The following DNM3 variants were observed in gnomAD, a reference collection of about 807,000 sequenced individuals.
DNM3 encodes dynamin 3.
Under a neutral mutation model 101.6 loss-of-function variants are expected in DNM3, and 47 were observed. The observed-to-expected ratio is 0.46, with a 90% CI of 0.37 to 0.59. DNM3 has a LOEUF of 0.59. Ranked by LOEUF, DNM3 falls within the 20% of genes least tolerant of loss-of-function variation. The probability of loss-of-function intolerance (pLI) is 0.00; values close to 1 mark genes in which losing one functional copy is unlikely to be tolerated. For synonymous variants in DNM3, 385 were observed against 387.9 expected (o/e 0.99, Z 0.09); for missense variants, 849 against 1,085.7 (o/e 0.78, Z 3.06).
intron 14 of DNM3, among the ~76,000 whole-genome samples, chr1:172,172,692 TA>T (rs1352842366): frequency 6.6e-6 from 1 of 151,728 alleles, no homozygotes; most frequent in African/African-American, 2.4e-5. Context: ...CAGTTCTATG[TA>T]AATCAGAGAT....
In DNM3 at chr1:171,915,676, T is replaced by C. The variant is rs2039656122; in HGVS notation, c.162-6072T>C. 2.0e-5 allele frequency among the ~76,000 whole-genome samples: 3 copies of C among 151,946 alleles called. No individual in the cohort carries two copies. In the South Asian group the frequency reaches 6.2e-4, roughly 32 times the overall value. ...ACACCTAGTGGAGATGTTTAAGAGG[T>C]TAATATGATTGTAATGAGTTGTAGG... On this transcript the variant is annotated intron_variant, in intron 1 of 20. Coordinates refer to ENST00000627582, the MANE Select transcript of DNM3 (RefSeq NM_015569.5).
At chr1:172,407,484 GTGC>G (rs1303845418) in intron 20 of DNM3, among the ~76,000 whole-genome samples, 4 of 151,968 alleles carry the variant, frequency 2.6e-5, no homozygotes, top group African/African-American at 9.7e-5. Context: ...GCTAAGATAT[GTGC>G]AGTACGTTTC....
intron 12 of DNM3, among the ~76,000 whole-genome samples, chr1:172,092,018 C>T (rs2053943559): frequency 6.6e-6 from 1 of 151,884 alleles, no homozygotes; most frequent in Non-Finnish European, 1.5e-5. Context: ...AGATTTTGGC[C>T]AAGGAACTTG....
chr1:172,165,032 G>T (rs967631343), intron 14 of DNM3, among the ~76,000 whole-genome samples: 16 of 152,036 alleles, frequency 1.1e-4, no homozygotes, highest in African/African-American at 3.9e-4. Flanking sequence ...TTAACCAAGA[G>T]TACAATGTAG....
At chr1:172,044,955 T>G (rs1315416372) in intron 9 of DNM3, among the ~76,000 whole-genome samples, 1 of 151,862 alleles carries the variant, frequency 6.6e-6, no homozygotes, top group Non-Finnish European at 1.5e-5. Context: ...GCATATGAAG[T>G]GGGCAGCAGT....
chr1:172,202,736 C>T (rs1394713866), intron 14 of DNM3, among the ~76,000 whole-genome samples: 1 of 152,024 alleles, frequency 6.6e-6, no homozygotes, highest in African/African-American at 2.4e-5. Context: ...GAACATAAGA[C>T]TATTATTTAT....
intron 15 of DNM3, among the ~76,000 whole-genome samples, chr1:172,284,884 G>A (rs921188885): frequency 1.6e-4 from 25 of 152,178 alleles, no homozygotes; most frequent in Non-Finnish European, 2.9e-4. Flanking sequence ...CTCAATGGAT[G>A]TATAAGTAAG....
chr1:171,850,956 T>C (rs1266164062), intron 1 of DNM3, among the ~76,000 whole-genome samples: 1 of 152,110 alleles, frequency 6.6e-6, no homozygotes, highest in Non-Finnish European at 1.5e-5. Context: ...TTAGGAGTAT[T>C]TGTGAATGAG....
chr1:172,092,417 G>A (rs1022778172), intron 12 of DNM3, among the ~76,000 whole-genome samples: 7 of 152,120 alleles, frequency 4.6e-5, no homozygotes, highest in African/African-American at 1.4e-4. Context: ...AAGAATAATC[G>A]TAACTGCTTC....
intron 1 of DNM3, among the ~76,000 whole-genome samples, chr1:171,842,737 C>G (rs2031463419): frequency 6.6e-6 from 1 of 152,174 alleles, no homozygotes; most frequent in Non-Finnish European, 1.5e-5. Flanking sequence ...TGTGGTTTTC[C>G]TCATGACTCT....
chr1:172,133,485 C>A, intron 14 of DNM3: 1 of 932,382 alleles, frequency 1.1e-6, no homozygotes, highest in Non-Finnish European at 1.3e-6. Context: ...GGAAATGACC[C>A]TTGAAATAAA....
intron 14 of DNM3, among the ~76,000 whole-genome samples, chr1:172,236,596 A>G (rs1557862372): frequency 6.6e-6 from 1 of 151,900 alleles, no homozygotes; most frequent in East Asian, 1.9e-4. Flanking sequence ...AAAGGAGGAG[A>G]AGGAGGAGGA....
chr1:171,965,344 A>T (rs1003062181), intron 2 of DNM3, among the ~76,000 whole-genome samples: 2 of 151,312 alleles, frequency 1.3e-5, no homozygotes, highest in Non-Finnish European at 2.9e-5. Context: ...AGAGTTTGAG[A>T]CCAGCCCATG....
chr1:172,391,804 A>T (rs1043594046), intron 20 of DNM3, among the ~76,000 whole-genome samples: 1 of 152,168 alleles, frequency 6.6e-6, no homozygotes, highest in African/African-American at 2.4e-5. Context: ...ACAGCACAAA[A>T]GGTGTCCCGC....
intron 17 of DNM3, among the ~76,000 whole-genome samples, chr1:172,342,571 C>T (rs529351598): frequency 1.8e-4 from 27 of 151,914 alleles, no homozygotes; most frequent in Admixed American, 1.1e-3. Flanking sequence ...AACAAGTGAC[C>T]CAAGGAGAGA....
At chr1:172,006,072 A>G (rs2125688828) in intron 4 of DNM3, among the ~76,000 whole-genome samples, 1 of 152,148 alleles carries the variant, frequency 6.6e-6, no homozygotes, top group East Asian at 1.9e-4. Flanking sequence ...TTGTGTGTGG[A>G]GCTTGATTAG....
intron 14 of DNM3, among the ~76,000 whole-genome samples, chr1:172,188,365 C>A (rs2059592776): frequency 6.6e-6 from 1 of 152,020 alleles, no homozygotes; most frequent in African/African-American, 2.4e-5. Context: ...AGGTTTGCAC[C>A]ACCTTGCCTG....
At chr1:172,334,448 T>A (rs1349793127) in intron 17 of DNM3, among the ~76,000 whole-genome samples, 1 of 152,160 alleles carries the variant, frequency 6.6e-6, no homozygotes, top group Non-Finnish European at 1.5e-5. Flanking sequence ...GGACATCCTC[T>A]ACAACAAAGA....
rs376508475 is a variant in DNM3, at chr1:171,841,826, G to T, written c.161+9G>T. On this transcript the variant is annotated intron_variant, in intron 1 of 20. Transcript: ENST00000627582. ...GAGAACTTCGTGGGCAGGTAAGCGC[G>T]CAGGGCGCGGAGTAAGGATGCGGCA... The T allele has an allele frequency of 1.7e-4, 276 of 1,603,046 alleles. No individual in the cohort carries two copies. The highest frequency in any genetic ancestry group is 2.3e-4 in the Non-Finnish European group (268 of 1,177,360).
Sources: gnomAD v4.1 joint callset for allele counts (sites outside exome capture counted in the v4.1 genomes callset) on GRCh38, gnomAD v4.1.1 for gene constraint, MANE v1.5 for transcripts, NCBI Gene and HGNC (gene_info 2026-07-23, HGNC 2026-07-21) for gene names.